FYN: variants seen among roughly 807,000 people sequenced by gnomAD.
The protein encoded by FYN is FYN proto-oncogene, Src family tyrosine kinase.
In FYN, 10 loss-of-function variants were observed where a neutral mutation model predicts 70.2. The ratio of observed to expected loss-of-function variants is 0.14; its 90% confidence interval spans 0.09 to 0.24. FYN has a LOEUF of 0.24. FYN is among the 10% of genes least tolerant of loss of function. The pLI is 1.00. For missense variants in FYN, 319 were observed against 673.1 expected, an observed-to-expected ratio of 0.47 and a Z score of 5.82; for synonymous variants, 236 against 248.6, an observed-to-expected ratio of 0.95 and a Z score of 0.48.
At chr6:111,803,864 G>C (rs1772064929) in intron 2 of FYN, among the ~76,000 whole-genome samples, 1 of 152,296 alleles carries the variant, frequency 6.6e-6, no homozygotes, top group East Asian at 1.9e-4. Flanking sequence ...AGCAGCCATG[G>C]TATGTTAATA....
chr6:111,797,014 T>G (rs1285352511), intron 2 of FYN, among the ~76,000 whole-genome samples: 2 of 152,208 alleles, frequency 1.3e-5, no homozygotes, highest in Non-Finnish European at 2.9e-5. Flanking sequence ...TAGTGCATAG[T>G]AGTTTGAATT....
Position 111,699,175 on chromosome 6 carries a change from A to G in FYN, c.862+929T>C, listed in dbSNP as rs546903369. Among the ~76,000 whole-genome samples the G allele has an allele frequency of 2.0e-5, 3 of 152,326 alleles. No homozygotes were observed. The East Asian group carries it at 5.8e-4, about 29-fold the overall frequency. On this transcript the variant is annotated intron_variant, in intron 9 of 13. Coordinates refer to ENST00000354650, the MANE Select transcript of FYN (RefSeq NM_002037.5). ...GCCCCTTGTTCGTGGTTAATTAGCTAGTAAGGATTCAAACCCAGGCCCATT... is the reference window on the plus strand; with the variant it reads ...GCCCCTTGTTCGTGGTTAATTAGCTGGTAAGGATTCAAACCCAGGCCCATT...
intron 12 of FYN, among the ~76,000 whole-genome samples, chr6:111,681,236 C>G (rs1009939144): frequency 6.6e-6 from 1 of 152,124 alleles, no homozygotes; most frequent in African/African-American, 2.4e-5. Context: ...CCATATTGGT[C>G]AGGCTGCTCT....
intron 2 of FYN, among the ~76,000 whole-genome samples, chr6:111,797,570 C>T (rs1339015264): frequency 6.7e-6 from 1 of 148,180 alleles, no homozygotes; most frequent in Non-Finnish European, 1.5e-5. Flanking sequence ...AGTCTGCTCA[C>T]ACAATGGAAA....
At chr6:111,846,326 T>C (rs1257048732) in intron 2 of FYN, among the ~76,000 whole-genome samples, 1 of 152,194 alleles carries the variant, frequency 6.6e-6, no homozygotes, top group African/African-American at 2.4e-5. Flanking sequence ...CCATAACTTA[T>C]AGTCAAAACA....
chr6:111,701,315 G>C (rs1288132384), intron 8 of FYN, among the ~76,000 whole-genome samples: 2 of 152,202 alleles, frequency 1.3e-5, no homozygotes, highest in Non-Finnish European at 2.9e-5. Flanking sequence ...AAAGCTGACA[G>C]AGCCTGCCTT....
chr6:111,676,878 A>G (rs1798548149), intron 12 of FYN, among the ~76,000 whole-genome samples: 1 of 152,134 alleles, frequency 6.6e-6, no homozygotes, highest in Non-Finnish European at 1.5e-5. Flanking sequence ...GTCATGTTAG[A>G]TTTTCCAAGG....
chr6:111,835,452 A>G (rs1281539070), intron 2 of FYN, among the ~76,000 whole-genome samples: 1 of 152,264 alleles, frequency 6.6e-6, no homozygotes, highest in Non-Finnish European at 1.5e-5. Flanking sequence ...AATTCTTAGC[A>G]AAGCAATTTT....
chr6:111,847,935 A>G (rs1327194), intron 1 of FYN, among the ~76,000 whole-genome samples: 51,910 of 152,018 alleles, frequency 0.34, 13,184 homozygotes, highest in African/African-American at 0.72. Context: ...ATATCATCTC[A>G]CCTCTTCCTG....
chr6:111,699,327 C>T (rs1348368220), intron 9 of FYN, among the ~76,000 whole-genome samples: 1 of 152,092 alleles, frequency 6.6e-6, no homozygotes, highest in African/African-American at 2.4e-5. Flanking sequence ...CCTTAATTAA[C>T]CACATGAAGT....
intron 1 of FYN, among the ~76,000 whole-genome samples, chr6:111,857,590 A>G (rs564969748): frequency 6.6e-6 from 1 of 152,370 alleles, no homozygotes; most frequent in East Asian, 1.9e-4. Context: ...GCAGAGTGGC[A>G]GGTTTGAAAT....
intron 2 of FYN, among the ~76,000 whole-genome samples, chr6:111,812,418 G>T (rs1049254752): frequency 2.0e-5 from 3 of 152,144 alleles, no homozygotes; most frequent in Non-Finnish European, 4.4e-5. Flanking sequence ...TACTCTACTG[G>T]CTGTAAATAA....
At chr6:111,760,378 C>T (rs1323156036) in intron 3 of FYN, among the ~76,000 whole-genome samples, 1 of 152,122 alleles carries the variant, frequency 6.6e-6, no homozygotes, top group African/African-American at 2.4e-5. Context: ...CTACTGGGCT[C>T]CTCGCAGCTG....
At chr6:111,708,675 G>C (rs1258414115) in intron 5 of FYN, among the ~76,000 whole-genome samples, 2 of 152,172 alleles carry the variant, frequency 1.3e-5, no homozygotes, top group Non-Finnish European at 2.9e-5. Flanking sequence ...CAAATGTCCA[G>C]AGCACTGGCC....
At chr6:111,768,874 T>C (rs186286054) in intron 3 of FYN, among the ~76,000 whole-genome samples, 215 of 152,314 alleles carry the variant, frequency 1.4e-3, no homozygotes, top group African/African-American at 5.0e-3. Context: ...AGCTGCTAAA[T>C]GACATTTTGA....
At chr6:111,841,058 T>C (rs1403172054) in intron 2 of FYN, among the ~76,000 whole-genome samples, 1 of 152,132 alleles carries the variant, frequency 6.6e-6, no homozygotes, top group Non-Finnish European at 1.5e-5. Flanking sequence ...GCTTTTGTCA[T>C]AGGGAATGAT....
At chr6:111,801,505 G>C (rs1464030762) in intron 2 of FYN, among the ~76,000 whole-genome samples, 1 of 152,144 alleles carries the variant, frequency 6.6e-6, no homozygotes, top group Non-Finnish European at 1.5e-5. Context: ...TTGTTGGCTA[G>C]GGAAATGATT....
At chr6:111,815,788 C>T (rs566645000) in intron 2 of FYN, among the ~76,000 whole-genome samples, 6 of 150,712 alleles carry the variant, frequency 4.0e-5, no homozygotes, top group Admixed American at 6.6e-5. Context: ...GTGTGATCAT[C>T]GCTCATTGCA....
chr6:111,866,878 C>G (rs551338628), intron 1 of FYN, among the ~76,000 whole-genome samples: 2 of 152,326 alleles, frequency 1.3e-5, no homozygotes, highest in East Asian at 3.9e-4. Context: ...TTTACCCTGG[C>G]TGGGGAGCAA....
Sources: gnomAD v4.1 joint callset for allele counts (sites outside exome capture counted in the v4.1 genomes callset) on GRCh38, gnomAD v4.1.1 for gene constraint, MANE v1.5 for transcripts, NCBI Gene and HGNC (gene_info 2026-07-23, HGNC 2026-07-21) for gene names.